FAM193A: variants seen among roughly 807,000 people sequenced by gnomAD.
FAM193A encodes protein FAM193A.
A neutral mutation model predicts 126.5 loss-of-function variants in FAM193A; 22 were observed. That is an observed-to-expected ratio of 0.17 (90% CI 0.12 to 0.25). FAM193A has a LOEUF of 0.25. Among genes scored for constraint, FAM193A ranks in the 10% least tolerant of loss-of-function variants. The pLI, the probability that FAM193A is intolerant of heterozygous loss-of-function variation, is 1.00. For missense variants in FAM193A, 1,675 were observed against 1,672.8 expected, an observed-to-expected ratio of 1.00 and a Z score of -0.02; for synonymous variants, 761 against 646.8, an observed-to-expected ratio of 1.18 and a Z score of -2.68.
chr4:2,608,231 T>G, intron 2 of FAM193A: 1 of 967,264 alleles, frequency 1.0e-6, no homozygotes, highest in South Asian at 1.6e-5. Flanking sequence ...CAGTATGGAG[T>G]GCAGTGGTGC....
At chr4:2,548,552 A>C (rs184051156) in intron 1 of FAM193A, among the ~76,000 whole-genome samples, 20 of 150,632 alleles carry the variant, frequency 1.3e-4, no homozygotes, top group African/African-American at 4.1e-4. Flanking sequence ...CGCCTCCCAG[A>C]TTCAAGTGAT....
intron 1 of FAM193A, among the ~76,000 whole-genome samples, chr4:2,593,398 C>G (rs1269020219): frequency 6.6e-6 from 1 of 152,240 alleles, no homozygotes; most frequent in Non-Finnish European, 1.5e-5. Context: ...GGGCTCCCCA[C>G]AAGGTACAGC....
intron 1 of FAM193A, among the ~76,000 whole-genome samples, chr4:2,578,532 CAGTG>C (rs1328530939): frequency 3.3e-5 from 5 of 151,756 alleles, no homozygotes; most frequent in Non-Finnish European, 5.9e-5. Context: ...TAAGGGTAAA[CAGTG>C]AGTAGTTTTC....
intron 12 of FAM193A, among the ~76,000 whole-genome samples, chr4:2,669,022 T>A (rs1439752092): frequency 6.6e-6 from 1 of 152,072 alleles, no homozygotes; most frequent in Non-Finnish European, 1.5e-5. Context: ...TTTGTATTTT[T>A]GGTGGAGATG....
chr4:2,539,865 G>C (rs974717923), intron 1 of FAM193A, among the ~76,000 whole-genome samples: 1 of 152,096 alleles, frequency 6.6e-6, no homozygotes, highest in Non-Finnish European at 1.5e-5. Flanking sequence ...TCGGGAGGCC[G>C]AGGTGGGTGG....
In FAM193A at chr4:2,693,911, T is replaced by G. The variant is rs1010373456; in HGVS notation, c.3092+37T>G. ...CCTGACTGGGGACGTGGGAGCACTT[T>G]GGAAAATGGGTGTTATGCCTCACTA... is the stretch of plus-strand genomic sequence containing the variant. On this transcript the variant is annotated intron_variant, in intron 16 of 20. Coordinates refer to ENST00000637812, the MANE Select transcript of FAM193A (RefSeq NM_001366318.2). 2.5e-6 allele frequency: 4 copies of G among 1,589,394 alleles called. No homozygotes were observed. The Admixed American group carries it at 6.8e-5, about 27-fold the overall frequency.
At chr4:2,559,619 T>G (rs1233010194) in intron 1 of FAM193A, among the ~76,000 whole-genome samples, 3 of 152,112 alleles carry the variant, frequency 2.0e-5, no homozygotes, top group African/African-American at 7.2e-5. Context: ...CTGGTCTTCC[T>G]TACTCTCGCC....
At chr4:2,543,835 A>T (rs949813605) in intron 1 of FAM193A, among the ~76,000 whole-genome samples, 3 of 123,978 alleles carry the variant, frequency 2.4e-5, no homozygotes, top group African/African-American at 5.9e-5. Flanking sequence ...ACACCATTGC[A>T]CTTCAGCCTG....
At position 2,672,206 on chromosome 4, in the gene FAM193A, C is replaced by T; in HGVS notation, c.2165C>T (p.Ala722Val). Residue 722 changes from alanine (A) to valine (V), a missense_variant, in exon 13 of 21, where the codon GCC becomes GTC. Ala to Val is a moderately conservative substitution (Grantham distance 64, BLOSUM62 0). Coordinates refer to ENST00000637812, the MANE Select transcript of FAM193A (RefSeq NM_001366318.2). ...GLTPSAMTAG[A>V]LPPGHQFLSP... ...ACACCATCTGCAATGACAGCCGGAGCCCTTCCTCCTGGCCATCAGTTCTTG... is the reference window on the plus strand; with the variant it reads ...ACACCATCTGCAATGACAGCCGGAGTCCTTCCTCCTGGCCATCAGTTCTTG... 3.1e-6 allele frequency: 5 copies of T among 1,614,194 alleles called. No individual in the cohort carries two copies. The highest frequency in any genetic ancestry group is 4.2e-6 in the Non-Finnish European group (5 of 1,180,032).
At chr4:2,553,951 G>A (rs1398332468) in intron 1 of FAM193A, among the ~76,000 whole-genome samples, 3 of 152,044 alleles carry the variant, frequency 2.0e-5, no homozygotes, top group Admixed American at 6.6e-5. Context: ...GCCTTCCACC[G>A]TGATTGTGAG....
chr4:2,696,872 G>C (rs1444551131), intron 18 of FAM193A, among the ~76,000 whole-genome samples: 5 of 152,226 alleles, frequency 3.3e-5, no homozygotes, highest in African/African-American at 9.6e-5. Flanking sequence ...AGACACTCCA[G>C]CTTTATCTGC....
At chr4:2,692,649 C>T (rs1156751598) in intron 15 of FAM193A, among the ~76,000 whole-genome samples, 1 of 152,148 alleles carries the variant, frequency 6.6e-6, no homozygotes, top group Non-Finnish European at 1.5e-5. Context: ...TCCAAATTGG[C>T]AGACAGGTAG....
intron 1 of FAM193A, among the ~76,000 whole-genome samples, chr4:2,542,203 A>G (rs1737277972): frequency 6.6e-6 from 1 of 151,896 alleles, no homozygotes; most frequent in Non-Finnish European, 1.5e-5. Context: ...TTTAGTAGAG[A>G]CGGGGCTTCA....
At chr4:2,540,394 G>A (rs969493664) in intron 1 of FAM193A, among the ~76,000 whole-genome samples, 12 of 152,164 alleles carry the variant, frequency 7.9e-5, no homozygotes, top group Admixed American at 5.2e-4. Context: ...TGTGAACCTG[G>A]GAGGCGGAGC....
chr4:2,572,328 C>CAAA lies in FAM193A; in HGVS notation c.256-23742_256-23740dup, dbSNP rs374521496. ...TAGGCGACAGAGTGAGACTTCATCTCAAAAAAAAAAAAAAAAGTCCAAGGT... is the reference window on the plus strand; with the variant it reads ...TAGGCGACAGAGTGAGACTTCATCTCAAAAAAAAAAAAAAAAAAAGTCCAAGGT... On this transcript the variant is annotated intron_variant, in intron 1 of 20. Coordinates refer to ENST00000637812, the MANE Select transcript of FAM193A (RefSeq NM_001366318.2). Among the ~76,000 whole-genome samples, 42 of 125,022 alleles carry CAAA rather than the reference C, an allele frequency of 3.4e-4. No homozygotes were observed. In the East Asian group the frequency reaches 8.8e-3, roughly 26 times the overall value. The allele number at this position is 125,022 out of a possible 152,430, so 82.0% of individuals were successfully genotyped here. A position where few individuals can be genotyped will look rare whatever the true frequency, so the allele number is the denominator to read the frequency against.
At chr4:2,691,977 T>C (rs1043972419) in intron 15 of FAM193A, among the ~76,000 whole-genome samples, 1 of 152,062 alleles carries the variant, frequency 6.6e-6, no homozygotes, top group Non-Finnish European at 1.5e-5. Flanking sequence ...CTGGTGCAAG[T>C]ATGCAGCATT....
At chr4:2,571,792 A>G (rs1359981712) in intron 1 of FAM193A, among the ~76,000 whole-genome samples, 1 of 151,138 alleles carries the variant, frequency 6.6e-6, no homozygotes, top group Non-Finnish European at 1.5e-5. Flanking sequence ...CACCGGCCTC[A>G]GCCTCCCAAA....
chr4:2,538,573 A>G (rs1737032252), intron 1 of FAM193A, among the ~76,000 whole-genome samples: 1 of 149,806 alleles, frequency 6.7e-6, no homozygotes, highest in South Asian at 2.1e-4. Flanking sequence ...GCCCTCATCC[A>G]GTATCCTGGA....
chr4:2,576,400 C>A (rs1739591351), intron 1 of FAM193A, among the ~76,000 whole-genome samples: 1 of 152,132 alleles, frequency 6.6e-6, no homozygotes, highest in South Asian at 2.1e-4. Context: ...GCCTGGAACA[C>A]CCAGTTATTA....
Sources: allele counts gnomAD v4.1 joint callset (sites outside exome capture counted in the v4.1 genomes callset), GRCh38; gene constraint gnomAD v4.1.1; transcripts MANE v1.5; gene names NCBI Gene and HGNC (gene_info 2026-07-23, HGNC 2026-07-21).